Variants in RCAN2 observed in about 807,000 individuals in gnomAD.
RCAN2 encodes the protein calcipressin-2.
In RCAN2, 9 loss-of-function variants were observed where a neutral mutation model predicts 23.6. The observed-to-expected ratio is 0.38, with a 90% CI of 0.23 to 0.67. The LOEUF (loss-of-function observed/expected upper bound fraction) is 0.67, where lower values mean the gene tolerates loss of function less well. Among genes scored for constraint, RCAN2 ranks in the 30% least tolerant of loss-of-function variants. The probability of loss-of-function intolerance (pLI) is 0.51; values close to 1 mark genes in which losing one functional copy is unlikely to be tolerated. For missense variants in RCAN2, 273 were observed against 302.3 expected (o/e 0.90, Z 0.72); for synonymous variants, 109 against 115.7 (o/e 0.94, Z 0.37).
At chr6:46,252,425 T>C (rs1288462166) in intron 2 of RCAN2, among the ~76,000 whole-genome samples, 1 of 152,236 alleles carries the variant, frequency 6.6e-6, no homozygotes, top group African/African-American at 2.4e-5. Flanking sequence ...TGTAGCATCC[T>C]GTTTGAATAA....
At chr6:46,325,733 AT>A (rs201861547) in intron 2 of RCAN2, 140 of 1,264,180 alleles carry the variant, frequency 1.1e-4, no homozygotes, top group South Asian at 2.9e-4. Flanking sequence ...AGCTGAAGCT[AT>A]TTTTTTTTCT....
intron 2 of RCAN2, among the ~76,000 whole-genome samples, chr6:46,328,320 C>T (rs1168544703): frequency 1.3e-5 from 2 of 152,154 alleles, no homozygotes; most frequent in African/African-American, 2.4e-5. Flanking sequence ...CATTAAATGA[C>T]TGATAACTCA....
intron 2 of RCAN2, among the ~76,000 whole-genome samples, chr6:46,443,157 A>T (rs1020296109): frequency 6.6e-6 from 1 of 152,228 alleles, no homozygotes; most frequent in Non-Finnish European, 1.5e-5. Flanking sequence ...CAACACAAGA[A>T]AAACAGTGAA....
Position 46,456,760 on chromosome 6 carries a change from C to T in RCAN2, c.217G>A (p.Glu73Lys). Residue 73 changes from glutamate to lysine, a missense_variant, in exon 2 of 5, where the codon GAG (glutamate) becomes AAG (lysine). Physicochemically the swap from Glu to Lys is moderately conservative, Grantham distance 56. Coordinates refer to ENST00000371374, the MANE Select transcript of RCAN2 (RefSeq NM_001251974.2). Reference protein sequence around the residue: ...NVHQSVFEGEESKEKFEGLFR... With the variant: ...NVHQSVFEGEKSKEKFEGLFR... ...AGAAAAAGGCAGCTTACCTTGCTCT[C>T]TTCTCCTTCAAACACTGACTGGTGA... is the stretch of plus-strand genomic sequence containing the variant. 2.6e-6 allele frequency: 4 copies of T among 1,550,354 alleles called. No homozygotes were observed. Among genetic ancestry groups the T allele is most frequent in the Non-Finnish European group, 3.5e-6 (4 of 1,146,500 alleles).
rs529074356 is a variant in RCAN2 at position 46,376,702 on chromosome 6, C to A, written c.225+80050G>T. ...GAGTGAGACTCCACCTCAAAAAAAA[C>A]CAAACAAACAAACAAAAAAAAAAAA... On this transcript the variant is annotated intron_variant, in intron 2 of 4. Transcript: ENST00000371374. Among the ~76,000 whole-genome samples the A allele has an allele frequency of 2.4e-4, 29 of 118,840 alleles. No homozygotes were observed. The East Asian group carries it at 3.2e-3, about 13-fold the overall frequency. The allele number at this position is 118,840 out of a possible 152,430, so 78.0% of individuals were successfully genotyped here.
chr6:46,249,668 A>G (rs982818347), intron 2 of RCAN2, among the ~76,000 whole-genome samples: 2 of 152,160 alleles, frequency 1.3e-5, no homozygotes, highest in Non-Finnish European at 2.9e-5. Flanking sequence ...GATCCACTCC[A>G]TCCAGTTTCC....
At chr6:46,420,068 G>A (rs1264044695) in intron 2 of RCAN2, among the ~76,000 whole-genome samples, 2 of 151,792 alleles carry the variant, frequency 1.3e-5, no homozygotes, top group Non-Finnish European at 2.9e-5. Flanking sequence ...ATATTTTTAA[G>A]TATATTTAAT....
At chr6:46,413,240 T>A (rs1479076548) in intron 2 of RCAN2, among the ~76,000 whole-genome samples, 1 of 152,238 alleles carries the variant, frequency 6.6e-6, no homozygotes, top group Non-Finnish European at 1.5e-5. Context: ...TAATGAAAGG[T>A]TCTCAGAGAC....
At chr6:46,322,069 G>A (rs1402968254) in intron 2 of RCAN2, among the ~76,000 whole-genome samples, 1 of 152,160 alleles carries the variant, frequency 6.6e-6, no homozygotes, top group Non-Finnish European at 1.5e-5. Context: ...GATCTCCAGG[G>A]GACACCGATG....
intron 2 of RCAN2, among the ~76,000 whole-genome samples, chr6:46,411,246 C>A (rs973777357): frequency 6.6e-6 from 1 of 152,126 alleles, no homozygotes; most frequent in Non-Finnish European, 1.5e-5. Flanking sequence ...AGACATTATG[C>A]TAAGTGAAAT....
intron 2 of RCAN2, among the ~76,000 whole-genome samples, chr6:46,334,639 A>G (rs1484279757): frequency 6.6e-6 from 1 of 152,138 alleles, no homozygotes; most frequent in African/African-American, 2.4e-5. Context: ...TGCAATCCAC[A>G]TTCTCCGCAT....
At chr6:46,282,310 C>T (rs1333158667) in intron 2 of RCAN2, among the ~76,000 whole-genome samples, 2 of 150,772 alleles carry the variant, frequency 1.3e-5, no homozygotes, top group South Asian at 2.1e-4. Context: ...CTTTGGGAGG[C>T]CAAGGCAGGC....
intron 1 of RCAN2, among the ~76,000 whole-genome samples, chr6:46,479,085 C>G (rs2150445944): frequency 6.6e-6 from 1 of 152,310 alleles, no homozygotes; most frequent in East Asian, 1.9e-4. Context: ...ATAATATTTA[C>G]AGGTTCAAAG....
intron 4 of RCAN2, among the ~76,000 whole-genome samples, chr6:46,243,419 T>C (rs1766378779): frequency 1.3e-5 from 2 of 152,108 alleles, no homozygotes; most frequent in Non-Finnish European, 2.9e-5. Flanking sequence ...CAGGAAACTC[T>C]CAATATTTGC....
At chr6:46,248,930 G>A (rs1339478289) in intron 2 of RCAN2, 34 bp from the exon 3 acceptor site, 1 of 1,511,356 alleles carries the variant, frequency 6.6e-7, no homozygotes. Context: ...AAATCCATTG[G>A]CCATGGCATG....
intron 2 of RCAN2, among the ~76,000 whole-genome samples, chr6:46,328,679 C>T (rs375274468): frequency 4.6e-5 from 7 of 152,208 alleles, no homozygotes; most frequent in Non-Finnish European, 8.8e-5. Context: ...GGCACGATCT[C>T]AGCTCACTGC....
intron 2 of RCAN2, among the ~76,000 whole-genome samples, chr6:46,419,461 T>G (rs957234376): frequency 3.9e-5 from 6 of 152,132 alleles, no homozygotes; most frequent in Non-Finnish European, 8.8e-5. Flanking sequence ...AAAACCAATC[T>G]ATCACAGCTT....
intron 2 of RCAN2, among the ~76,000 whole-genome samples, chr6:46,410,793 A>C (rs1435800425): frequency 9.2e-5 from 14 of 152,246 alleles, no homozygotes; most frequent in Admixed American, 9.2e-4. Context: ...ATATTATTTC[A>C]AAAATATTCA....
chr6:46,311,654 C>T (rs1463727851), intron 2 of RCAN2, among the ~76,000 whole-genome samples: 5 of 152,178 alleles, frequency 3.3e-5, no homozygotes, highest in Non-Finnish European at 7.3e-5. Context: ...CTTGTACCTG[C>T]CATGCCTTTG....
Sources: gnomAD v4.1 joint callset for allele counts (sites outside exome capture counted in the v4.1 genomes callset) on GRCh38, gnomAD v4.1.1 for gene constraint, MANE v1.5 for transcripts, NCBI Gene and HGNC (gene_info 2026-07-23, HGNC 2026-07-21) for gene names.